The following DNAAF11 variants were observed in gnomAD, a reference collection of about 807,000 sequenced individuals.
The protein encoded by DNAAF11 is dynein axonemal assembly factor 11.
DNAAF11 carries 45 observed loss-of-function variants against 60.8 expected under a neutral mutation model. The observed-to-expected ratio is 0.74, with a 90% CI of 0.58 to 0.95. The LOEUF (loss-of-function observed/expected upper bound fraction) is 0.95. Among genes scored for constraint, DNAAF11 ranks in the 40% least tolerant of loss-of-function variants. The probability of loss-of-function intolerance (pLI) is 0.00; values close to 1 mark genes in which losing one functional copy is unlikely to be tolerated. For missense variants in DNAAF11, 546 were observed against 546.2 expected (o/e 1.00, Z 0.00); for synonymous variants, 191 against 183.5 (o/e 1.04, Z -0.33).
chr8:132,702,648 G>A, the DNAAF11 span, among the ~76,000 whole-genome samples: 2 of 152,192 alleles, frequency 1.3e-5, no homozygotes, highest in African/African-American at 4.8e-5. Context: ...ACTGTTTTAA[G>A]TGTTAAGCAT....
At chr8:132,695,322 T>C in the DNAAF11 span, among the ~76,000 whole-genome samples, 8 of 152,174 alleles carry the variant, frequency 5.3e-5, no homozygotes, top group Admixed American at 2.0e-4. Flanking sequence ...CACGCTGGCA[T>C]GCTGCTGCTG....
At chr8:132,643,771 T>A in intron 3 of DNAAF11, 1 of 453,982 alleles carries the variant, frequency 2.2e-6, no homozygotes, top group Non-Finnish European at 4.4e-6. Context: ...GTGCATTCGT[T>A]AGACACTTGT....
chr8:132,630,309 T>C (rs1410575183), intron 5 of DNAAF11, among the ~76,000 whole-genome samples: 2 of 152,122 alleles, frequency 1.3e-5, no homozygotes, highest in African/African-American at 4.8e-5. Flanking sequence ...GATGAACCCA[T>C]GAATACATGG....
intron 5 of DNAAF11, among the ~76,000 whole-genome samples, chr8:132,626,454 T>C (rs1820294695): frequency 6.6e-6 from 1 of 152,238 alleles, no homozygotes; most frequent in Admixed American, 6.5e-5. Flanking sequence ...TTATTCATGT[T>C]TTGTGGACTG....
chr8:132,622,751 T>A, intron 6 of DNAAF11, 63 bp from the exon 7 acceptor site: 1 of 1,140,682 alleles, frequency 8.8e-7, no homozygotes, highest in South Asian at 1.3e-5. Flanking sequence ...GCAAAGAGAA[T>A]ATAAAAGCAA....
At chr8:132,584,820 G>T (rs568493488) in intron 10 of DNAAF11, among the ~76,000 whole-genome samples, 9 of 152,264 alleles carry the variant, frequency 5.9e-5, no homozygotes, top group Admixed American at 1.3e-4. Context: ...TCATGCAACT[G>T]ATTAAGGAAA....
chr8:132,580,526 A>G (rs553024154), intron 11 of DNAAF11, among the ~76,000 whole-genome samples: 24 of 152,368 alleles, frequency 1.6e-4, no homozygotes, highest in Admixed American at 1.4e-3. Context: ...AATGATTACA[A>G]TGGTCAATTT....
intron 4 of DNAAF11, among the ~76,000 whole-genome samples, chr8:132,635,335 G>A (rs552156207): frequency 1.2e-4 from 19 of 152,318 alleles, no homozygotes; most frequent in African/African-American, 4.6e-4. Context: ...GAAGCAGAGA[G>A]AGGGACACTA....
chr8:132,686,718 C>T, the DNAAF11 span, among the ~76,000 whole-genome samples: 1 of 152,074 alleles, frequency 6.6e-6, no homozygotes, highest in Non-Finnish European at 1.5e-5. Context: ...GACCCTGGAA[C>T]TTACTTTGAG....
the DNAAF11 span, among the ~76,000 whole-genome samples, chr8:132,683,186 G>A: frequency 6.6e-6 from 1 of 152,184 alleles, no homozygotes; most frequent in African/African-American, 2.4e-5. Context: ...ATCTTTTCTG[G>A]TTGAAGCAGG....
intron 10 of DNAAF11, among the ~76,000 whole-genome samples, chr8:132,598,945 G>T (rs2129644149): frequency 6.6e-6 from 1 of 152,180 alleles, no homozygotes; most frequent in Middle Eastern, 3.4e-3. Flanking sequence ...GAAGGAGACA[G>T]AAACACAAAA....
intron 1 of DNAAF11, among the ~76,000 whole-genome samples, chr8:132,671,214 G>A (rs1825157677): frequency 6.6e-6 from 1 of 152,102 alleles, no homozygotes; most frequent in Non-Finnish European, 1.5e-5. Context: ...GAATAAGAAA[G>A]TTTGAAAAGA....
the DNAAF11 span, among the ~76,000 whole-genome samples, chr8:132,689,152 A>AC: frequency 3.9e-5 from 6 of 152,184 alleles, no homozygotes; most frequent in Admixed American, 2.6e-4. Flanking sequence ...TTGTTCTCCA[A>AC]CTGATGAGTT....
intron 3 of DNAAF11, chr8:132,643,326 A>G (rs1419291801): frequency 4.9e-6 from 1 of 202,046 alleles, no homozygotes; most frequent in Non-Finnish European, 1.0e-5. Context: ...TAAGTCTGTA[A>G]GTAAAAGTAG....
chr8:132,690,239 T>C, the DNAAF11 span, among the ~76,000 whole-genome samples: 3 of 152,174 alleles, frequency 2.0e-5, no homozygotes, highest in African/African-American at 4.8e-5. Context: ...CATCTTGATT[T>C]GTAATCCCCA....
intron 8 of DNAAF11, among the ~76,000 whole-genome samples, chr8:132,614,033 G>C (rs913537086): frequency 6.6e-6 from 1 of 152,186 alleles, no homozygotes; most frequent in Non-Finnish European, 1.5e-5. Flanking sequence ...TATTGTTTTA[G>C]GTGTGGAGAT....
intron 10 of DNAAF11, among the ~76,000 whole-genome samples, chr8:132,607,497 T>C (rs1818246010): frequency 6.6e-6 from 1 of 152,100 alleles, no homozygotes; most frequent in African/African-American, 2.4e-5. Flanking sequence ...ATGACCCACA[T>C]GACAGGGAAA....
At chr8:132,619,279 C>T (rs1028400719) in intron 7 of DNAAF11, among the ~76,000 whole-genome samples, 1 of 149,318 alleles carries the variant, frequency 6.7e-6, no homozygotes, top group Non-Finnish European at 1.5e-5. Context: ...AGGGGAACAT[C>T]ACACTCTGGG....
intron 1 of DNAAF11, among the ~76,000 whole-genome samples, chr8:132,668,877 G>A (rs971666210): frequency 2.6e-5 from 4 of 152,182 alleles, no homozygotes; most frequent in Middle Eastern, 3.2e-3. Flanking sequence ...TAGCTGCTGG[G>A]GGCTCTGTTG....
Sources: gnomAD v4.1 joint callset for allele counts (sites outside exome capture counted in the v4.1 genomes callset) on GRCh38, gnomAD v4.1.1 for gene constraint, MANE v1.5 for transcripts, NCBI Gene and HGNC (gene_info 2026-07-23, HGNC 2026-07-21) for gene names.